Variants in DHX35 observed in about 807,000 individuals in gnomAD.
The protein encoded by DHX35 is probable ATP-dependent RNA helicase DHX35.
A neutral mutation model predicts 99.6 loss-of-function variants in DHX35; 84 were observed. That is an observed-to-expected ratio of 0.84 (90% confidence interval 0.71 to 1.01). DHX35 has a LOEUF of 1.01. Ranked by LOEUF, DHX35 falls within the 50% of genes least tolerant of loss-of-function variation. The pLI, the probability that DHX35 is intolerant of heterozygous loss-of-function variation, is 0.00. For synonymous variants in DHX35, 331 were observed against 316.2 expected (o/e 1.05, Z -0.50); for missense variants, 852 against 888.5 (o/e 0.96, Z 0.52).
At position 38,962,869 on chromosome 20, in the gene DHX35, A is replaced by G. The variant is rs2085856085; in HGVS notation, c.40+462A>G. ...GTAGTAGGGTGACCTTGGGCGAGTC[A>G]CTTAATGCCTCTGAGCCATGACTTC... is the stretch of plus-strand genomic sequence containing the variant. On this transcript the variant is annotated intron_variant, in intron 1 of 21. Transcript: ENST00000252011. 3 of 169,592 alleles carry G rather than the reference A, an allele frequency of 1.8e-5. No homozygotes were observed. In the South Asian group the frequency reaches 4.1e-4, roughly 23 times the overall value. The allele number at this position is 169,592 out of a possible 1,614,324, so 10.5% of individuals were successfully genotyped here.
Position 38,988,837 on chromosome 20 carries a change from A to AG in DHX35, c.374dup (p.Ala126CysfsTer14). 6.2e-7 allele frequency: 1 copy of AG among 1,613,824 alleles called. No homozygotes were observed. The highest frequency in any genetic ancestry group is 8.5e-7 in the Non-Finnish European group (1 of 1,179,816). On this transcript the variant is annotated frameshift_variant, in exon 5 of 22. Coordinates refer to ENST00000252011, the MANE Select transcript of DHX35 (RefSeq NM_021931.4). LOFTEE classifies it high-confidence loss of function. ...GGTTGCAGGGAGAGTAGCTGAAGAA[A>AG]GGGGTGCAGTGCTGGGCCACGAGGT...
At chr20:39,002,936 G>T in intron 10 of DHX35, 68 bp downstream of exon 10, 2 of 1,296,856 alleles carry the variant, frequency 1.5e-6, no homozygotes, top group African/African-American at 1.5e-5. Context: ...ACAGAGCCTT[G>T]TTACTTTACT....
intron 1 of DHX35, among the ~76,000 whole-genome samples, chr20:38,966,476 C>T (rs2085913068): frequency 6.6e-6 from 1 of 152,220 alleles, no homozygotes; most frequent in Admixed American, 6.5e-5. Context: ...TCGACACCAG[C>T]CTGGCTAACA....
At chr20:38,992,932 A>T (rs914658054) in intron 7 of DHX35, among the ~76,000 whole-genome samples, 1 of 152,084 alleles carries the variant, frequency 6.6e-6, no homozygotes, top group Non-Finnish European at 1.5e-5. Context: ...TTAACTTTTT[A>T]TTATTAAGGT....
At chr20:39,026,408 G>C (rs2086958482) in intron 18 of DHX35, among the ~76,000 whole-genome samples, 1 of 152,190 alleles carries the variant, frequency 6.6e-6, no homozygotes, top group Non-Finnish European at 1.5e-5. Context: ...AACAATGACG[G>C]AGTCTTGGCT....
intron 3 of DHX35, chr20:38,977,758 T>C: frequency 2.3e-6 from 1 of 444,066 alleles, no homozygotes; most frequent in Non-Finnish European, 4.3e-6. Context: ...CTTTTGATAT[T>C]TTAGGAATTT....
intron 4 of DHX35, among the ~76,000 whole-genome samples, chr20:38,986,085 T>A (rs2086244833): frequency 6.6e-6 from 1 of 152,164 alleles, no homozygotes; most frequent in African/African-American, 2.4e-5. Context: ...CATTTGTAAA[T>A]ACAACAGTGT....
At chr20:39,017,257 A>G (rs891208050) in intron 14 of DHX35, among the ~76,000 whole-genome samples, 1 of 152,178 alleles carries the variant, frequency 6.6e-6, no homozygotes, top group Non-Finnish European at 1.5e-5. Flanking sequence ...CTTCTCTGTG[A>G]ATAGCCAATT....
At chr20:39,032,957 G>A (rs1402880689) in intron 20 of DHX35, among the ~76,000 whole-genome samples, 2 of 152,166 alleles carry the variant, frequency 1.3e-5, no homozygotes, top group Non-Finnish European at 2.9e-5. Flanking sequence ...TCGTGTGCAG[G>A]ATAATTTGAA....
intron 3 of DHX35, chr20:38,978,194 C>A: frequency 9.6e-7 from 1 of 1,045,098 alleles, no homozygotes; most frequent in Non-Finnish European, 1.5e-6. Flanking sequence ...TTCAAAGTTG[C>A]CAGTGTTACT....
At chr20:39,021,750 C>T in intron 15 of DHX35, 91 bp from the exon 16 acceptor site, 1 of 1,234,054 alleles carries the variant, frequency 8.1e-7, no homozygotes, top group Non-Finnish European at 1.2e-6. Context: ...TCTTAGTCTT[C>T]AGTGTGGTGC....
At chr20:38,987,282 G>A (rs2086265437) in intron 4 of DHX35, among the ~76,000 whole-genome samples, 1 of 151,860 alleles carries the variant, frequency 6.6e-6, no homozygotes, top group African/African-American at 2.4e-5. Context: ...CTTTGTCACC[G>A]AGGCTGGAGT....
Position 38,994,826 on chromosome 20 carries a change from G to C in DHX35, c.588G>C (p.Gln196His). The C allele has an allele frequency of 6.2e-7, 1 of 1,613,214 alleles. No homozygotes were observed. The highest frequency in any genetic ancestry group is 8.5e-7 in the Non-Finnish European group (1 of 1,179,376). ...DIAIGLLKKI[Q>H]KKRGDLRLIV... ...CCAAATGTCTTCTTTTTTAGATTCA[G>C]AAAAAGCGAGGGGATCTTCGATTGA... The change falls in exon 8 of 22, where the codon CAG (glutamine) becomes CAC (histidine). Residue 196 changes from glutamine (Q) to histidine (H), a missense_variant. Transcript: ENST00000252011.
intron 13 of DHX35, among the ~76,000 whole-genome samples, chr20:39,012,178 G>C (rs1156251468): frequency 6.6e-6 from 1 of 152,152 alleles, no homozygotes. Context: ...GAACCCGGGA[G>C]GTGGAGGTTG....
At chr20:38,969,286 A>C in intron 2 of DHX35, 72 bp downstream of exon 2, 3 of 1,488,628 alleles carry the variant, frequency 2.0e-6, no homozygotes, top group Non-Finnish European at 2.7e-6. Context: ...CTCAGCACTG[A>C]AGGGAATGAT....
intron 18 of DHX35, among the ~76,000 whole-genome samples, chr20:39,026,501 T>C (rs546893321): frequency 1.3e-5 from 2 of 152,190 alleles, no homozygotes; most frequent in Non-Finnish European, 2.9e-5. Context: ...TCTTCGAAGT[T>C]AAAGTAGTAG....
chr20:38,966,172 G>C (rs1480570753), intron 1 of DHX35, among the ~76,000 whole-genome samples: 4 of 152,222 alleles, frequency 2.6e-5, no homozygotes, highest in Admixed American at 1.3e-4. Flanking sequence ...TGTTAAGATA[G>C]GGAAATGAAG....
At chr20:39,025,157 A>G in intron 17 of DHX35, 73 bp from the exon 18 acceptor site, 2 of 1,493,330 alleles carry the variant, frequency 1.3e-6, no homozygotes, top group Non-Finnish European at 1.8e-6. Flanking sequence ...AGAGAGAAGA[A>G]TGATCTTTAC....
Position 39,010,395 on chromosome 20 carries a change from C to T in DHX35, c.1338C>T (p.His446=), listed in dbSNP as rs1410086875. The change falls in exon 13 of 22, where the codon CAC becomes CAT. Residue 446 remains histidine, a synonymous_variant. Coordinates refer to ENST00000252011, the MANE Select transcript of DHX35 (RefSeq NM_021931.4). The part of the protein sequence containing the change: ...ALGIDNVLRF[H]FMSPPPAQSM... Reference sequence around the variant, plus strand: ...GAATTGACAATGTCCTCAGGTTCCACTTCATGTCGGTAAGTCCTGCCTGCT... The same window carrying T: ...GAATTGACAATGTCCTCAGGTTCCATTTCATGTCGGTAAGTCCTGCCTGCT... 1.9e-6 allele frequency: 3 copies of T among 1,613,968 alleles called. No individual in the cohort carries two copies. The highest frequency in any genetic ancestry group is 1.1e-5 in the South Asian group (1 of 91,082).
Sources: gnomAD v4.1 joint callset for allele counts (sites outside exome capture counted in the v4.1 genomes callset) on GRCh38, gnomAD v4.1.1 for gene constraint, MANE v1.5 for transcripts, NCBI Gene and HGNC (gene_info 2026-07-23, HGNC 2026-07-21) for gene names.